The following DPYD variants were observed in gnomAD, a reference collection of about 807,000 sequenced individuals.
The protein encoded by DPYD is dihydropyrimidine dehydrogenase [NADP(+)].
In DPYD, 109 loss-of-function variants were observed where a neutral mutation model predicts 116.2. The observed-to-expected ratio is 0.94, with a 90% confidence interval of 0.80 to 1.10. The LOEUF is 1.10. Among genes scored for constraint, DPYD ranks in the 50% least tolerant of loss-of-function variants. DPYD has a pLI of 0.00. For synonymous variants in DPYD, 440 were observed against 432.0 expected (o/e 1.02, Z -0.23); for missense variants, 1,302 against 1,254.5 (o/e 1.04, Z -0.57).
intron 4 of DPYD, among the ~76,000 whole-genome samples, chr1:97,739,673 G>A (rs1242342172): frequency 6.6e-6 from 1 of 151,978 alleles, no homozygotes; most frequent in Non-Finnish European, 1.5e-5. Flanking sequence ...GTATCTTTAT[G>A]GGAGACATTG....
intron 16 of DPYD, among the ~76,000 whole-genome samples, chr1:97,358,636 T>C (rs1008018263): frequency 2.0e-5 from 3 of 152,166 alleles, no homozygotes; most frequent in Non-Finnish European, 4.4e-5. Context: ...TTTGCTGTTC[T>C]GCAGCCTCCG....
intron 18 of DPYD, among the ~76,000 whole-genome samples, chr1:97,304,008 T>C (rs183312520): frequency 3.0e-4 from 46 of 152,148 alleles, no homozygotes; most frequent in African/African-American, 1.0e-3. Flanking sequence ...TGAGTTATAG[T>C]ATGGGAGAAT....
intron 14 of DPYD, among the ~76,000 whole-genome samples, chr1:97,435,990 T>C (rs956202561): frequency 3.3e-5 from 5 of 152,050 alleles, no homozygotes; most frequent in African/African-American, 1.2e-4. Context: ...GCCTCCTACA[T>C]TTAAGCCTCT....
intron 12 of DPYD, among the ~76,000 whole-genome samples, chr1:97,541,852 C>A (rs1470387447): frequency 6.6e-6 from 1 of 152,100 alleles, no homozygotes; most frequent in African/African-American, 2.4e-5. Flanking sequence ...TCAAAATTAT[C>A]TTTCGTATTC....
chr1:97,884,650 T>G (rs1672392731), intron 1 of DPYD, among the ~76,000 whole-genome samples: 1 of 152,064 alleles, frequency 6.6e-6, no homozygotes, highest in African/African-American at 2.4e-5. Flanking sequence ...TACCCCTAAC[T>G]AATCTAGATC....
intron 5 of DPYD, among the ~76,000 whole-genome samples, chr1:97,706,515 A>G (rs1661965926): frequency 6.6e-6 from 1 of 152,044 alleles, no homozygotes; most frequent in African/African-American, 2.4e-5. Context: ...CTTAATCTCC[A>G]TATGCATCCC....
chr1:97,791,067 T>C (rs1216162610), intron 3 of DPYD, among the ~76,000 whole-genome samples: 1 of 152,220 alleles, frequency 6.6e-6, no homozygotes, highest in Non-Finnish European at 1.5e-5. Context: ...TAATACATAA[T>C]GTACATAAAC....
At chr1:97,838,524 G>A (rs970661687) in intron 2 of DPYD, among the ~76,000 whole-genome samples, 2 of 152,118 alleles carry the variant, frequency 1.3e-5, no homozygotes, top group African/African-American at 2.4e-5. Flanking sequence ...GTGTTTCCTC[G>A]GAGTAGAAAC....
intron 8 of DPYD, among the ~76,000 whole-genome samples, chr1:97,663,668 G>A (rs1221894865): frequency 6.6e-6 from 1 of 152,106 alleles, no homozygotes; most frequent in Admixed American, 6.5e-5. Flanking sequence ...ACAGCACAAA[G>A]TAAACACTCA....
intron 11 of DPYD, among the ~76,000 whole-genome samples, chr1:97,557,324 T>G (rs1651817909): frequency 6.9e-6 from 1 of 145,206 alleles, no homozygotes; most frequent in Admixed American, 6.8e-5. Context: ...TTTTTTTTTT[T>G]TTTTGAGGAG....
intron 16 of DPYD, among the ~76,000 whole-genome samples, chr1:97,335,613 C>T (rs1456606093): frequency 6.6e-6 from 1 of 152,092 alleles, no homozygotes; most frequent in East Asian, 1.9e-4. Context: ...GTAAAGATGT[C>T]AAAACTCAAA....
In DPYD at chr1:97,768,440, G is replaced by C. The variant is rs554244874; in HGVS notation, c.234-27961C>G. 4.6e-5 allele frequency among the ~76,000 whole-genome samples: 7 copies of C among 152,204 alleles called. No homozygotes were observed. The East Asian group carries it at 9.6e-4, about 21-fold the overall frequency. Reference sequence around the variant, plus strand: ...TTGCCCAACATCATTATATAGGCAAGAATTTCACACAAATCACTGATTGAC... The same window carrying C: ...TTGCCCAACATCATTATATAGGCAACAATTTCACACAAATCACTGATTGAC... On this transcript the variant is annotated intron_variant, in intron 3 of 22. Transcript: ENST00000370192.
At chr1:97,915,648 C>CA (rs1674174487) in intron 1 of DPYD, among the ~76,000 whole-genome samples, 1 of 152,004 alleles carries the variant, frequency 6.6e-6, no homozygotes, top group Admixed American at 6.6e-5. Flanking sequence ...ATCAAAGTCC[C>CA]AATTATAGAT....
At chr1:97,081,237 C>T (rs1649128208) in intron 22 of DPYD, among the ~76,000 whole-genome samples, 1 of 151,884 alleles carries the variant, frequency 6.6e-6, no homozygotes, top group Non-Finnish European at 1.5e-5. Context: ...GGTACACAAA[C>T]TTCTCTTTTT....
intron 20 of DPYD, among the ~76,000 whole-genome samples, chr1:97,192,257 T>C (rs944359459): frequency 6.6e-6 from 1 of 152,170 alleles, no homozygotes; most frequent in Non-Finnish European, 1.5e-5. Flanking sequence ...GGCTTTTGTT[T>C]TCCATTCTTT....
At chr1:97,615,377 G>T (rs1352826538) in intron 8 of DPYD, among the ~76,000 whole-genome samples, 1 of 152,034 alleles carries the variant, frequency 6.6e-6, no homozygotes, top group Non-Finnish European at 1.5e-5. Flanking sequence ...CTGGGTGTCG[G>T]GAATCTATGC....
intron 13 of DPYD, among the ~76,000 whole-genome samples, chr1:97,468,577 T>C (rs1677458432): frequency 6.6e-6 from 1 of 152,210 alleles, no homozygotes; most frequent in Non-Finnish European, 1.5e-5. Context: ...GAAACAAATC[T>C]GTTGTTTAGA....
rs568876135 is a variant in DPYD at position 97,336,508 on chromosome 1, G to C, written c.2059-30211C>G. Among the ~76,000 whole-genome samples, 8 of 152,280 alleles carry C rather than the reference G, an allele frequency of 5.3e-5. No homozygotes were observed. In the South Asian group the frequency reaches 1.7e-3, roughly 32 times the overall value. On this transcript the variant is annotated intron_variant, in intron 16 of 22. Coordinates refer to ENST00000370192, the MANE Select transcript of DPYD (RefSeq NM_000110.4). ...TCATGCCTGTGGTTCCAGCACTTTG[G>C]GAGGCCGAGGTGGGCAGATCACCTG...
At chr1:97,278,365 T>G (rs1434252389) in intron 18 of DPYD, among the ~76,000 whole-genome samples, 3 of 152,204 alleles carry the variant, frequency 2.0e-5, no homozygotes, top group African/African-American at 7.2e-5. Context: ...ACTTTCTGAC[T>G]GCCCCTTATC....
Sources: gnomAD v4.1 joint callset for allele counts (sites outside exome capture counted in the v4.1 genomes callset) on GRCh38, gnomAD v4.1.1 for gene constraint, MANE v1.5 for transcripts, NCBI Gene and HGNC (gene_info 2026-07-23, HGNC 2026-07-21) for gene names.